The following TUBGCP3 variants were observed in gnomAD, a reference collection of about 807,000 sequenced individuals.
The protein encoded by TUBGCP3 is tubulin gamma complex component 3.
TUBGCP3 carries 50 observed loss-of-function variants against 123.1 expected under a neutral mutation model. The observed-to-expected ratio is 0.41, with a 90% CI of 0.32 to 0.51. The LOEUF is 0.51. Ranked by LOEUF, TUBGCP3 falls within the 20% of genes least tolerant of loss-of-function variation. The pLI is 0.36. For missense variants in TUBGCP3, 882 were observed against 1,127.0 expected (o/e 0.78, Z 3.11); for synonymous variants, 405 against 413.9 (o/e 0.98, Z 0.26).
intron 1 of TUBGCP3, among the ~76,000 whole-genome samples, chr13:112,585,906 G>A (rs141762633): frequency 5.3e-5 from 8 of 151,818 alleles, no homozygotes; most frequent in African/African-American, 1.7e-4. Context: ...CTCTTAGAAG[G>A]GACAAAACTT....
At chr13:112,597,313 T>C in the TUBGCP3 span, among the ~76,000 whole-genome samples, 2 of 152,344 alleles carry the variant, frequency 1.3e-5, no homozygotes, top group African/African-American at 4.8e-5. Flanking sequence ...AACTTATGAT[T>C]GGATTAAGAT....
chr13:112,549,392 G>C (rs944930764), intron 8 of TUBGCP3, among the ~76,000 whole-genome samples: 1 of 152,042 alleles, frequency 6.6e-6, no homozygotes, highest in Admixed American at 6.6e-5. Context: ...TAAATGACAA[G>C]TTAAAGGGTG....
At chr13:112,516,386 G>A (rs1876128949) in intron 17 of TUBGCP3, 54 bp downstream of exon 17, 1 of 1,484,976 alleles carries the variant, frequency 6.7e-7, no homozygotes, top group Non-Finnish European at 9.0e-7. Context: ...CACCCAGTGG[G>A]GGCTGGAGGC....
rs1491133381 is a variant in TUBGCP3 at position 112,537,126 on chromosome 13, CCT to C, written c.1335+8571_1335+8572del. Among the ~76,000 whole-genome samples, 662 of 123,196 alleles carry C rather than the reference CCT, an allele frequency of 5.4e-3. 6 individuals are homozygous for C. Among genetic ancestry groups the C allele is most frequent in the Non-Finnish European group, 8.5e-3 (531 of 62,528 alleles). 80.8% of individuals were successfully genotyped at this position (123,196 alleles called of 152,430 possible). On this transcript the variant is annotated intron_variant, in intron 11 of 21. Coordinates refer to ENST00000261965, the MANE Select transcript of TUBGCP3 (RefSeq NM_006322.6). Reference sequence around the variant, plus strand: ...GCTATCTGGATGCTTTTACCTTTTTCCTTTTTTTTTTTTTTTTTTTTTAAAAA... The same window carrying C: ...GCTATCTGGATGCTTTTACCTTTTTCTTTTTTTTTTTTTTTTTTTTAAAAA...
intron 16 of TUBGCP3, among the ~76,000 whole-genome samples, chr13:112,518,272 C>T (rs149857556): frequency 2.8e-3 from 424 of 152,266 alleles, no homozygotes; most frequent in African/African-American, 9.6e-3. Flanking sequence ...CTACCAGAAC[C>T]ACTGAGAAGA....
intron 20 of TUBGCP3, among the ~76,000 whole-genome samples, chr13:112,492,271 T>G (rs1880146977): frequency 6.6e-6 from 1 of 152,270 alleles, no homozygotes. Flanking sequence ...TATCTTTTGA[T>G]GCTTGGTTAC....
chr13:112,545,658 C>T lies in TUBGCP3; in HGVS notation c.1335+41G>A. Reference sequence around the variant, plus strand: ...GAAACAGCATAACTGCGTGCCCATGCTTTTTAAATCCAAGTCTCAGAACCG... The same window carrying T: ...GAAACAGCATAACTGCGTGCCCATGTTTTTTAAATCCAAGTCTCAGAACCG... On this transcript the variant is annotated intron_variant, in intron 11 of 21. Coordinates refer to ENST00000261965, the MANE Select transcript of TUBGCP3 (RefSeq NM_006322.6). This position sits in a 1 kb window ranked among gnomAD's most constrained non-coding sequence, Gnocchi z 4.1. 1 of 1,598,354 alleles carries T rather than the reference C, an allele frequency of 6.3e-7. No homozygotes were observed. Among genetic ancestry groups the T allele is most frequent in the Non-Finnish European group, 8.6e-7 (1 of 1,166,570 alleles).
intron 21 of TUBGCP3, among the ~76,000 whole-genome samples, chr13:112,489,198 C>T (rs1326434986): frequency 6.6e-6 from 1 of 151,728 alleles, no homozygotes; most frequent in African/African-American, 2.4e-5. Flanking sequence ...GGGCCACCCC[C>T]GGGTCCCCAC....
At chr13:112,514,100 G>C (rs1875869579) in intron 17 of TUBGCP3, among the ~76,000 whole-genome samples, 1 of 152,144 alleles carries the variant, frequency 6.6e-6, no homozygotes, top group Non-Finnish European at 1.5e-5. Flanking sequence ...GAGATCTTTT[G>C]AGAGAGACAT....
rs142834675 is a variant in TUBGCP3, at chr13:112,489,688, C to T, written c.2458G>A (p.Gly820Arg). 2.5e-6 allele frequency: 4 copies of T among 1,613,534 alleles called. No homozygotes were observed. Among genetic ancestry groups the T allele is most frequent in the East Asian group, 4.5e-5 (2 of 44,884 alleles). ...TCCTCTTCCTCTGCTGCCGTCACTC[C>T]CCACTGGCCCTGAACAATCAAAAGT... ...KKQREIEGQW[G>R]VTAAEEEEEN... Residue 820 changes from glycine to arginine, a missense_variant, in exon 21 of 22, where the codon GGA becomes AGA. Around this residue, in one of 3 missense-constraint regions of TUBGCP3, gnomAD observed 160 missense variants for 220.3 expected, o/e 0.73. Coordinates refer to ENST00000261965, the MANE Select transcript of TUBGCP3 (RefSeq NM_006322.6).
At chr13:112,549,760 C>T (rs904084011) in intron 8 of TUBGCP3, among the ~76,000 whole-genome samples, 1 of 151,782 alleles carries the variant, frequency 6.6e-6, no homozygotes, top group Non-Finnish European at 1.5e-5. Context: ...GAGGCCAAGG[C>T]GGGCGGATCA....
chr13:112,576,000 G>A (rs774077028), intron 1 of TUBGCP3, among the ~76,000 whole-genome samples: 34 of 152,278 alleles, frequency 2.2e-4, no homozygotes, highest in Middle Eastern at 3.4e-3. Context: ...GGGAATAAAC[G>A]AACTAATTTG....
At chr13:112,578,347 C>T (rs1273235916) in intron 1 of TUBGCP3, among the ~76,000 whole-genome samples, 1 of 151,640 alleles carries the variant, frequency 6.6e-6, no homozygotes, top group African/African-American at 2.4e-5. Flanking sequence ...ATCACGAGGT[C>T]AGGAGATCGA....
intron 5 of TUBGCP3, among the ~76,000 whole-genome samples, 187 bp downstream of exon 5, chr13:112,558,009 C>T (rs1880183679): frequency 6.6e-6 from 1 of 152,200 alleles, no homozygotes; most frequent in African/African-American, 2.4e-5. Flanking sequence ...GGAACTCCTG[C>T]TGTAGCATAG....
chr13:112,524,164 C>G lies in TUBGCP3; in HGVS notation c.1556-1655G>C, dbSNP rs935112501. 1.9e-4 allele frequency among the ~76,000 whole-genome samples: 29 copies of G among 152,148 alleles called. No individual in the cohort carries two copies. Among genetic ancestry groups the G allele is most frequent in the African/African-American group, 4.3e-4 (18 of 41,418 alleles). On this transcript the variant is annotated intron_variant, in intron 13 of 21. Coordinates refer to ENST00000261965, the MANE Select transcript of TUBGCP3 (RefSeq NM_006322.6). This position sits in a 1 kb window ranked among gnomAD's most constrained non-coding sequence, Gnocchi z 4.4. ...AAAATGAAGCAATATTTGCACCTAACCTACACACATCTTCCCATATACGGT... is the reference window on the plus strand; with the variant it reads ...AAAATGAAGCAATATTTGCACCTAAGCTACACACATCTTCCCATATACGGT...
At chr13:112,542,016 G>A (rs1878561632) in intron 11 of TUBGCP3, among the ~76,000 whole-genome samples, 1 of 152,094 alleles carries the variant, frequency 6.6e-6, no homozygotes, top group Non-Finnish European at 1.5e-5. Context: ...ATGATAAGAA[G>A]ATACACCTCA....
At chr13:112,555,484 T>C (rs1478096469) in intron 6 of TUBGCP3, among the ~76,000 whole-genome samples, 3 of 152,222 alleles carry the variant, frequency 2.0e-5, no homozygotes, top group African/African-American at 2.4e-5. Context: ...ATGTTTCAAA[T>C]GCTGCTAACT....
intron 11 of TUBGCP3, among the ~76,000 whole-genome samples, chr13:112,541,697 G>C (rs1878530701): frequency 1.3e-5 from 2 of 152,044 alleles, no homozygotes; most frequent in South Asian, 4.1e-4. Flanking sequence ...AGTCAAAAAA[G>C]ACAATTAGCC....
At chr13:112,600,362 A>G in the TUBGCP3 span, among the ~76,000 whole-genome samples, 6 of 152,224 alleles carry the variant, frequency 3.9e-5, no homozygotes, top group Admixed American at 2.6e-4. Flanking sequence ...CTTCTGATTG[A>G]TTGACTAAAA....
Sources: gnomAD v4.1 joint callset for allele counts (sites outside exome capture counted in the v4.1 genomes callset) on GRCh38, gnomAD v4.1.1 for gene constraint, gnomAD v4.1.1 regional missense constraint, Gnocchi (gnomAD v3.1) non-coding constraint, MANE v1.5 for transcripts, NCBI Gene and HGNC (gene_info 2026-07-23, HGNC 2026-07-21) for gene names.